Variants in LPA observed in about 807,000 individuals in gnomAD.
LPA encodes the protein apolipoprotein(a).
A neutral mutation model predicts 197.9 loss-of-function variants in LPA; 199 were observed. The observed-to-expected ratio is 1.01, with a 90% CI of 0.90 to 1.13. The LOEUF (loss-of-function observed/expected upper bound fraction) is 1.13. Ranked by LOEUF, LPA falls within the 50% of genes most tolerant of loss-of-function variation. The pLI is 0.00. For synonymous variants in LPA, 715 were observed against 639.5 expected, an observed-to-expected ratio of 1.12 and a Z score of -1.78; for missense variants, 1,853 against 1,785.8, an observed-to-expected ratio of 1.04 and a Z score of -0.68.
intron 2 of LPA, among the ~76,000 whole-genome samples, chr6:160,649,589 A>G (rs555463658): frequency 6.6e-6 from 1 of 152,136 alleles, no homozygotes; most frequent in East Asian, 1.9e-4. Context: ...CAGGAAGAAA[A>G]CCAGTGCATC....
At chr6:160,611,464 C>A (rs1241630192) in intron 16 of LPA, 98 bp downstream of exon 16, 4 of 1,551,128 alleles carry the variant, frequency 2.6e-6, no homozygotes, top group East Asian at 2.2e-5. Context: ...CTGAATCTGA[C>A]ACAAGTTGAG....
chr6:160,553,976 T>C (rs895969749), intron 30 of LPA, among the ~76,000 whole-genome samples: 1 of 106,852 alleles, frequency 9.4e-6, no homozygotes, highest in African/African-American at 3.3e-5. Flanking sequence ...CGTGTGCGTG[T>C]GTGTGTGTCT....
Position 160,650,427 on chromosome 6 carries a change from G to A in LPA, c.120C>T (p.Tyr40=), listed in dbSNP as rs771773768. The change falls in exon 2 of 39, where the codon TAC becomes TAT. Residue 40 remains tyrosine, a synonymous_variant. Coordinates refer to ENST00000316300, the MANE Select transcript of LPA (RefSeq NM_005577.4). ...AGGTCCTTCCTGTGACAGTGGTGGA[G>A]TACGTGCCTCGATAACTCTGTCCAT... ...HGDGQSYRGT[Y]STTVTGRTCQ... is the part of the protein sequence containing the mutation. 17 of 1,613,758 alleles carry A rather than the reference G, an allele frequency of 1.1e-5. No homozygotes were observed. The highest frequency in any genetic ancestry group is 1.4e-5 in the Non-Finnish European group (16 of 1,179,798).
At chr6:160,648,989 G>T (rs1340719551) in intron 2 of LPA, among the ~76,000 whole-genome samples, 1 of 152,106 alleles carries the variant, frequency 6.6e-6, no homozygotes, top group East Asian at 1.9e-4. Context: ...TCACACTGTG[G>T]ATACTGCATA....
chr6:160,543,955 G>A (rs563595003), intron 33 of LPA, among the ~76,000 whole-genome samples: 1 of 152,288 alleles, frequency 6.6e-6, no homozygotes, highest in African/African-American at 2.4e-5. Context: ...CAGGCTTGGG[G>A]TTAACCTCAC....
intron 20 of LPA, among the ~76,000 whole-genome samples, chr6:160,596,553 A>G (rs1314566980): frequency 6.6e-6 from 1 of 152,140 alleles, no homozygotes; most frequent in Admixed American, 6.5e-5. Context: ...TTTAACACAC[A>G]AAGTCAACAA....
intron 37 of LPA, among the ~76,000 whole-genome samples, chr6:160,533,760 CT>C (rs1319396354): frequency 6.6e-6 from 1 of 152,176 alleles, no homozygotes; most frequent in Non-Finnish European, 1.5e-5. Flanking sequence ...GATTCATTTT[CT>C]AATTTACACT....
intron 16 of LPA, among the ~76,000 whole-genome samples, chr6:160,609,387 A>G (rs1010894080): frequency 6.6e-6 from 1 of 152,092 alleles, no homozygotes; most frequent in African/African-American, 2.4e-5. Context: ...TCTGAGGTGA[A>G]CGCATTAGCA....
At chr6:160,600,786 C>T (rs1562339286) in intron 19 of LPA, 131 bp downstream of exon 19, 4 of 1,042,272 alleles carry the variant, frequency 3.8e-6, no homozygotes, top group Admixed American at 3.9e-5. Flanking sequence ...GCTAAGGCTT[C>T]CTCCCACATG....
At chr6:160,585,847 T>A (rs1299124992) in intron 25 of LPA, among the ~76,000 whole-genome samples, 1 of 152,004 alleles carries the variant, frequency 6.6e-6, no homozygotes, top group Non-Finnish European at 1.5e-5. Context: ...ACAACGGAGA[T>A]AAATGTTCCA....
At position 160,579,714 on chromosome 6, in the gene LPA, C is replaced by T. The variant is rs528470926; in HGVS notation, c.4290-1010G>A. On this transcript the variant is annotated intron_variant, in intron 26 of 38. Coordinates refer to ENST00000316300, the MANE Select transcript of LPA (RefSeq NM_005577.4). ...TGTGGCTGTCTGAGAAAACTTGGAA[C>T]GTATTATGGAGCATGGGAATCCAAC... is the stretch of plus-strand genomic sequence containing the variant. Among the ~76,000 whole-genome samples, 5 of 152,254 alleles carry T rather than the reference C, an allele frequency of 3.3e-5. No homozygotes were observed. In the East Asian group the frequency reaches 5.8e-4, roughly 18 times the overall value.
chr6:160,646,600 A>AT (rs1161316763), intron 2 of LPA, among the ~76,000 whole-genome samples: 8 of 85,366 alleles, frequency 9.4e-5, no homozygotes, highest in East Asian at 5.8e-4. Flanking sequence ...GATTATTACT[A>AT]TTTTTTTTAA....
chr6:160,581,776 T>C (rs1022261711), intron 26 of LPA, among the ~76,000 whole-genome samples: 4 of 152,198 alleles, frequency 2.6e-5, no homozygotes, highest in Admixed American at 6.5e-5. Context: ...TGCTTGGGTG[T>C]GGGTTGAAAC....
rs1159571043 is a variant in LPA at position 160,541,180 on chromosome 6, A to G, written c.5521T>C (p.Phe1841Leu). The stretch of plus-strand genomic sequence containing the variant: ...GTGCCTCCACAGAAGTGCTTTCCAA[A>G]CCTAGAAAGAAAACATGCCAAGGCT... ...WPWQVSLRTRFGKHFCGGTLI... is the reference protein window; with the variant it reads ...WPWQVSLRTRLGKHFCGGTLI... The change falls in exon 35 of 39, where the codon TTT becomes CTT. Residue 1841 changes from phenylalanine to leucine, a missense_variant and splice_region_variant. By Grantham distance (22) the Phe-to-Leu change is conservative (BLOSUM62 0). This residue lies in a region of LPA where 1,737 missense variants were observed against 1,504.4 expected (regional missense o/e 1.15). Coordinates refer to ENST00000316300, the MANE Select transcript of LPA (RefSeq NM_005577.4). 6 of 1,612,174 alleles carry G rather than the reference A, an allele frequency of 3.7e-6. No individual in the cohort carries two copies. Among genetic ancestry groups the G allele is most frequent in the Non-Finnish European group, 5.1e-6 (6 of 1,178,154 alleles).
In LPA at chr6:160,635,124, T is replaced by TTG; in HGVS notation, c.1072_1073dup (p.Gln358HisfsTer41). Reference sequence around the variant, plus strand: ...GATGTCTGGCCACAGACTCCTTACCTTGTTCGGAAGGAGCCTCTAGGCTTG... The same window carrying TTG: ...GATGTCTGGCCACAGACTCCTTACCTTGTGTTCGGAAGGAGCCTCTAGGCTTG... On this transcript the variant is annotated frameshift_variant and splice_region_variant, in exon 7 of 39. Transcript: ENST00000316300. LOFTEE classifies it high-confidence loss of function. 1 of 1,475,092 alleles carries TTG rather than the reference T, an allele frequency of 6.8e-7. No homozygotes were observed. Among genetic ancestry groups the TTG allele is most frequent in the Non-Finnish European group, 9.3e-7 (1 of 1,075,632 alleles). 91.4% of individuals were successfully genotyped at this position (1,475,092 alleles called of 1,614,324 possible). A position where few individuals can be genotyped will look rare whatever the true frequency, so the allele number is the denominator to read the frequency against.
intron 19 of LPA, among the ~76,000 whole-genome samples, chr6:160,599,927 C>G (rs1204486189): frequency 1.3e-5 from 2 of 152,148 alleles, no homozygotes; most frequent in African/African-American, 4.8e-5. Flanking sequence ...TCGGAAACTC[C>G]ACTAACATGG....
At chr6:160,555,935 T>C in intron 30 of LPA, 90 bp downstream of exon 30, 1 of 1,167,886 alleles carries the variant, frequency 8.6e-7, no homozygotes, top group Non-Finnish European at 1.3e-6. Flanking sequence ...TAAGGGAAAT[T>C]TGTCCTAACA....
At chr6:160,653,472 A>G (rs1288681454) in intron 1 of LPA, among the ~76,000 whole-genome samples, 1 of 146,956 alleles carries the variant, frequency 6.8e-6, no homozygotes, top group Non-Finnish European at 1.5e-5. Context: ...TCTTTTGAAG[A>G]GTACATGAAA....
intron 18 of LPA, 121 bp from the exon 19 acceptor site, chr6:160,601,219 C>T (rs1779236782): frequency 2.5e-6 from 2 of 797,860 alleles, no homozygotes; most frequent in African/African-American, 3.4e-5. Context: ...AGATACCATA[C>T]AATTGCCACA....
Sources: allele counts gnomAD v4.1 joint callset (sites outside exome capture counted in the v4.1 genomes callset), GRCh38; gene constraint gnomAD v4.1.1; regional missense constraint gnomAD v4.1.1; transcripts MANE v1.5; gene names NCBI Gene and HGNC (gene_info 2026-07-23, HGNC 2026-07-21).